The following SLC4A10 variants were observed in gnomAD, a reference collection of about 807,000 sequenced individuals.
SLC4A10 encodes the protein solute carrier family 4 member 10.
SLC4A10 carries 42 observed loss-of-function variants against 137.7 expected under a neutral mutation model. The observed-to-expected ratio is 0.30, with a 90% CI of 0.24 to 0.39. SLC4A10 has a LOEUF of 0.39. SLC4A10 is among the 10% of genes least tolerant of loss of function. SLC4A10 has a pLI of 1.00. For missense variants in SLC4A10, 925 were observed against 1,355.0 expected (o/e 0.68, Z 4.98); for synonymous variants, 474 against 464.1 (o/e 1.02, Z -0.27).
At chr2:161,832,452 A>T (rs565060308) in intron 3 of SLC4A10, among the ~76,000 whole-genome samples, 1 of 152,334 alleles carries the variant, frequency 6.6e-6, no homozygotes, top group Admixed American at 6.5e-5. Flanking sequence ...ACTTTGAAAG[A>T]AGTCCATTGG....
At chr2:161,840,591 G>C (rs950480310) in intron 4 of SLC4A10, among the ~76,000 whole-genome samples, 38 of 152,184 alleles carry the variant, frequency 2.5e-4, no homozygotes, top group African/African-American at 9.2e-4. Flanking sequence ...TATGTGCCAA[G>C]TGCAATGGAT....
intron 3 of SLC4A10, among the ~76,000 whole-genome samples, chr2:161,819,739 C>A (rs1319947923): frequency 2.6e-5 from 4 of 152,116 alleles, no homozygotes; most frequent in Non-Finnish European, 5.9e-5. Flanking sequence ...CGTGATCCAC[C>A]CGCACCAGCC....
At chr2:161,770,382 A>G (rs911183736) in intron 1 of SLC4A10, among the ~76,000 whole-genome samples, 20 of 151,930 alleles carry the variant, frequency 1.3e-4, no homozygotes, top group Admixed American at 3.9e-4. Context: ...TGGCAAAAAT[A>G]TAGAGAGACA....
intron 15 of SLC4A10, among the ~76,000 whole-genome samples, chr2:161,927,180 T>C (rs1482334271): frequency 6.6e-6 from 1 of 152,254 alleles, no homozygotes; most frequent in Admixed American, 6.5e-5. Flanking sequence ...ATTCTCCCGG[T>C]CACTTTCAGG....
intron 11 of SLC4A10, among the ~76,000 whole-genome samples, chr2:161,900,157 T>C (rs186802144): frequency 6.6e-6 from 1 of 152,096 alleles, no homozygotes; most frequent in Non-Finnish European, 1.5e-5. Flanking sequence ...AACTTTCTGA[T>C]TTTTTAAGAA....
intron 3 of SLC4A10, among the ~76,000 whole-genome samples, chr2:161,824,581 G>A (rs763051275): frequency 1.3e-5 from 2 of 152,136 alleles, no homozygotes; most frequent in Non-Finnish European, 2.9e-5. Flanking sequence ...AAGATGACTC[G>A]ATGAAGATGA....
At chr2:161,930,969 T>C (rs904985441) in intron 15 of SLC4A10, among the ~76,000 whole-genome samples, 1 of 151,346 alleles carries the variant, frequency 6.6e-6, no homozygotes. Context: ...TCTCGCTCTG[T>C]GGCCCAAGCT....
intron 3 of SLC4A10, among the ~76,000 whole-genome samples, chr2:161,824,121 C>T (rs111486619): frequency 0.013 from 1,996 of 152,256 alleles, 18 homozygotes; most frequent in Non-Finnish European, 0.022. Context: ...TGCCTCTGGC[C>T]GTGTAGAAAC....
intron 4 of SLC4A10, among the ~76,000 whole-genome samples, chr2:161,843,105 T>A (rs1284447892): frequency 6.6e-6 from 1 of 152,170 alleles, no homozygotes; most frequent in African/African-American, 2.4e-5. Flanking sequence ...TTGGAATATA[T>A]ATTTGGGCAA....
intron 1 of SLC4A10, among the ~76,000 whole-genome samples, chr2:161,654,917 A>T (rs975542414): frequency 2.0e-5 from 3 of 152,120 alleles, no homozygotes; most frequent in African/African-American, 7.2e-5. Flanking sequence ...AAAAAATGCC[A>T]TTGGGATTTT....
chr2:161,879,181 C>T lies in SLC4A10; in HGVS notation c.999C>T (p.Asn333=). Residue 333 remains asparagine, a synonymous_variant, in exon 9 of 27, where the codon AAC becomes AAT. Transcript: ENST00000446997. ...TTCCTCCAGGTGCTGAAGCATCGAA[C>T]ATCTTAGTGGGAGAACTGGAGTTCT... ...KKIPPGAEAS[N]ILVGELEFLD... 6.2e-7 allele frequency: 1 copy of T among 1,613,466 alleles called. No individual in the cohort carries two copies. Among genetic ancestry groups the T allele is most frequent in the Non-Finnish European group, 8.5e-7 (1 of 1,179,568 alleles).
At chr2:161,835,253 G>A (rs546671536) in intron 3 of SLC4A10, among the ~76,000 whole-genome samples, 124 of 152,160 alleles carry the variant, frequency 8.1e-4, no homozygotes, top group African/African-American at 2.8e-3. Context: ...TGGCCAGGCT[G>A]GTCTTGAACT....
At chr2:161,693,693 A>G (rs2042220057) in intron 1 of SLC4A10, among the ~76,000 whole-genome samples, 1 of 137,084 alleles carries the variant, frequency 7.3e-6, no homozygotes, top group Non-Finnish European at 1.5e-5. Context: ...TTTTTTTTTA[A>G]GATTCCACAT....
At chr2:161,859,599 T>C (rs142845586) in intron 5 of SLC4A10, among the ~76,000 whole-genome samples, 1,548 of 102,268 alleles carry the variant, frequency 0.015, 16 homozygotes, top group African/African-American at 0.052. Flanking sequence ...CTTTTCTTTT[T>C]TTTTTTTTTT....
intron 3 of SLC4A10, among the ~76,000 whole-genome samples, chr2:161,822,614 A>T (rs1188130113): frequency 6.6e-6 from 1 of 152,202 alleles, no homozygotes; most frequent in Non-Finnish European, 1.5e-5. Flanking sequence ...GTGCAGGTCC[A>T]CTTACACATA....
intron 6 of SLC4A10, among the ~76,000 whole-genome samples, chr2:161,868,527 CAT>C (rs1231447769): frequency 6.6e-6 from 1 of 151,228 alleles, no homozygotes; most frequent in Non-Finnish European, 1.5e-5. Context: ...TTATCTGACA[CAT>C]ATGATCCCTA....
chr2:161,750,951 T>A (rs2048901625), intron 1 of SLC4A10, among the ~76,000 whole-genome samples: 2 of 151,822 alleles, frequency 1.3e-5, no homozygotes, highest in Admixed American at 6.6e-5. Context: ...TTGACCTTTT[T>A]ATTATTATGA....
At chr2:161,907,163 A>G (rs1178041681) in intron 15 of SLC4A10, among the ~76,000 whole-genome samples, 12 of 152,192 alleles carry the variant, frequency 7.9e-5, no homozygotes, top group Admixed American at 7.9e-4. Context: ...ATAACTTTAA[A>G]CAACTGACCC....
chr2:161,933,491 C>G (rs62189660), intron 15 of SLC4A10, among the ~76,000 whole-genome samples: 10,169 of 151,928 alleles, frequency 0.067, 443 homozygotes, highest in East Asian at 0.13. Flanking sequence ...CTCCTGGGCT[C>G]AAGCAATACT....
Sources: allele counts gnomAD v4.1 joint callset (sites outside exome capture counted in the v4.1 genomes callset), GRCh38; gene constraint gnomAD v4.1.1; transcripts MANE v1.5; gene names NCBI Gene and HGNC (gene_info 2026-07-23, HGNC 2026-07-21).